The following TRAM1 variants were observed in gnomAD, a reference collection of about 807,000 sequenced individuals.
TRAM1 encodes translocating chain-associated membrane protein 1.
A neutral mutation model predicts 48.7 loss-of-function variants in TRAM1; 17 were observed. That is an observed-to-expected ratio of 0.35 (90% confidence interval 0.24 to 0.52). The LOEUF (loss-of-function observed/expected upper bound fraction) is 0.52, where lower values mean the gene tolerates loss of function less well. TRAM1 is among the 20% of genes least tolerant of loss of function. TRAM1 has a pLI of 0.94. For missense variants in TRAM1, 351 were observed against 441.5 expected, an observed-to-expected ratio of 0.79 and a Z score of 1.84; for synonymous variants, 182 against 154.0, an observed-to-expected ratio of 1.18 and a Z score of -1.34.
At chr8:70,588,680 CAATG>C (rs1817281211) in intron 6 of TRAM1, among the ~76,000 whole-genome samples, 1 of 152,160 alleles carries the variant, frequency 6.6e-6, no homozygotes, top group Admixed American at 6.5e-5. Context: ...CACAAACACA[CAATG>C]AATTATGATG....
At position 70,600,081 on chromosome 8, in the gene TRAM1, A is replaced by C. The variant is rs900449893; in HGVS notation, c.125T>G (p.Ile42Arg). 3.1e-6 allele frequency: 5 copies of C among 1,613,252 alleles called. No individual in the cohort carries two copies. The highest frequency in any genetic ancestry group is 1.3e-5 in the African/African-American group (1 of 75,044). ...MVFLLGLMFE[I>R]TAKASIIFVT... Reference sequence around the variant, plus strand: ...AAAAATGATAGAAGCTTTTGCCGTTATCTACAAAGAAGGAAAAACAAAGAT... The same window carrying C: ...AAAAATGATAGAAGCTTTTGCCGTTCTCTACAAAGAAGGAAAAACAAAGAT... The change falls in exon 2 of 11, where the codon ATA becomes AGA. Residue 42 changes from isoleucine to arginine, a missense_variant and splice_region_variant. Physicochemically the swap from Ile to Arg is moderately conservative, Grantham distance 97. Coordinates refer to ENST00000262213, the MANE Select transcript of TRAM1 (RefSeq NM_014294.6).
intron 1 of TRAM1, among the ~76,000 whole-genome samples, chr8:70,603,914 T>C (rs1817663864): frequency 6.6e-6 from 1 of 152,190 alleles, no homozygotes; most frequent in Admixed American, 6.5e-5. Context: ...CCAAAAAGTT[T>C]CAAGTTTAAG....
At position 70,596,291 on chromosome 8, in the gene TRAM1, A is replaced by G. The variant is rs781223076; in HGVS notation, c.457T>C (p.Trp153Arg). ...ATCAGGTTATGGGGATAAGCCCTCC[A>G]TAAGATAGTTGGGTCTGAGATGTAG... ...ENYISDPTIL[W>R]RAYPHNLMTF... Residue 153 changes from tryptophan to arginine, a missense_variant, in exon 5 of 11, where the codon TGG becomes CGG. By Grantham distance (101) the Trp-to-Arg change is moderately radical (BLOSUM62 -3). Transcript: ENST00000262213. The G allele has an allele frequency of 1.2e-6, 2 of 1,602,000 alleles. No individual in the cohort carries two copies. The highest frequency in any genetic ancestry group is 1.1e-5 in the South Asian group (1 of 88,654).
intron 1 of TRAM1, among the ~76,000 whole-genome samples, chr8:70,601,915 C>T (rs1028286425): frequency 6.6e-6 from 1 of 152,136 alleles, no homozygotes; most frequent in Non-Finnish European, 1.5e-5. Flanking sequence ...TCTCTTTCTA[C>T]AGATAATAGC....
At chr8:70,596,708 G>A (rs955035547) in intron 4 of TRAM1, among the ~76,000 whole-genome samples, 2 of 151,642 alleles carry the variant, frequency 1.3e-5, no homozygotes, top group African/African-American at 2.4e-5. Context: ...GCATCTGACA[G>A]GAGACAAAGG....
At chr8:70,590,541 G>A (rs1211779434) in intron 6 of TRAM1, among the ~76,000 whole-genome samples, 1 of 152,186 alleles carries the variant, frequency 6.6e-6, no homozygotes, top group Non-Finnish European at 1.5e-5. Flanking sequence ...AGGCTGGAGT[G>A]CAGTGGTTAT....
At chr8:70,595,090 G>T (rs545721208) in intron 5 of TRAM1, among the ~76,000 whole-genome samples, 32 of 149,226 alleles carry the variant, frequency 2.1e-4, no homozygotes, top group African/African-American at 7.9e-4. Context: ...GTTGGAACAT[G>T]GAGAAAGCCC....
intron 4 of TRAM1, among the ~76,000 whole-genome samples, chr8:70,597,287 C>T (rs1304512445): frequency 6.6e-6 from 1 of 152,228 alleles, no homozygotes; most frequent in South Asian, 2.1e-4. Context: ...AACACTGGGG[C>T]TGTTTTTAAA....
At chr8:70,592,038 A>G (rs1388914594) in intron 6 of TRAM1, among the ~76,000 whole-genome samples, 2 of 152,188 alleles carry the variant, frequency 1.3e-5, no homozygotes, top group Non-Finnish European at 2.9e-5. Flanking sequence ...CTAATACTTT[A>G]TATGATATGC....
chr8:70,580,834 T>C (rs1416569942), intron 10 of TRAM1, among the ~76,000 whole-genome samples: 2 of 152,006 alleles, frequency 1.3e-5, no homozygotes, highest in Non-Finnish European at 2.9e-5. Flanking sequence ...TTGTATTTCA[T>C]ATACAATGGC....
chr8:70,600,123 C>A (rs1044138806), intron 1 of TRAM1, 41 bp from the exon 2 acceptor site: 10 of 1,534,952 alleles, frequency 6.5e-6, no homozygotes, highest in South Asian at 1.1e-5. Flanking sequence ...AATTTGTGAC[C>A]CTCTCCCAAA....
intron 8 of TRAM1, 55 bp downstream of exon 8, chr8:70,586,840 A>T (rs1437995872): frequency 4.9e-6 from 7 of 1,420,022 alleles, no homozygotes; most frequent in Non-Finnish European, 6.9e-6. Context: ...TGGCAATGTT[A>T]GGCACTGACT....
intron 8 of TRAM1, 116 bp downstream of exon 8, chr8:70,586,779 G>T: frequency 1.2e-6 from 1 of 804,718 alleles, no homozygotes. Context: ...TTTATTTAAA[G>T]CGGCTACTGA....
At chr8:70,585,711 A>G (rs1195652921) in intron 8 of TRAM1, among the ~76,000 whole-genome samples, 1 of 122,368 alleles carries the variant, frequency 8.2e-6, no homozygotes, top group East Asian at 2.3e-4. Context: ...GCAAATCAAA[A>G]CCACAATGAG....
At chr8:70,577,768 G>A (rs905612649) in intron 10 of TRAM1, among the ~76,000 whole-genome samples, 3 of 152,252 alleles carry the variant, frequency 2.0e-5, no homozygotes, top group Non-Finnish European at 4.4e-5. Context: ...GGCTCCCTGA[G>A]CCAGGGCTAT....
At chr8:70,576,994 C>A (rs1355994036) in intron 10 of TRAM1, among the ~76,000 whole-genome samples, 1 of 152,196 alleles carries the variant, frequency 6.6e-6, no homozygotes, top group African/African-American at 2.4e-5. Flanking sequence ...CTCAGGGAGC[C>A]CCTAGATCTG....
At chr8:70,580,443 CA>C (rs1373479629) in intron 10 of TRAM1, among the ~76,000 whole-genome samples, 1 of 152,006 alleles carries the variant, frequency 6.6e-6, no homozygotes, top group Non-Finnish European at 1.5e-5. Context: ...AAAAAAATGA[CA>C]AAACCCCACA....
chr8:70,580,762 A>AC (rs1193389317), intron 10 of TRAM1, among the ~76,000 whole-genome samples: 2 of 151,874 alleles, frequency 1.3e-5, no homozygotes, highest in Non-Finnish European at 2.9e-5. Context: ...AAAAAAAAAA[A>AC]CCTATTTGAA....
At chr8:70,594,848 T>C (rs924374295) in intron 5 of TRAM1, among the ~76,000 whole-genome samples, 15 of 152,092 alleles carry the variant, frequency 9.9e-5, no homozygotes, top group African/African-American at 3.4e-4. Flanking sequence ...TGTAAGCCAG[T>C]TGGGAGGAGT....
Sources: allele counts gnomAD v4.1 joint callset (sites outside exome capture counted in the v4.1 genomes callset), GRCh38; gene constraint gnomAD v4.1.1; transcripts MANE v1.5; gene names NCBI Gene and HGNC (gene_info 2026-07-23, HGNC 2026-07-21).